ALCAM: variants seen among roughly 807,000 people sequenced by gnomAD.
The protein encoded by ALCAM is CD166 antigen.
ALCAM carries 30 observed loss-of-function variants against 70.9 expected under a neutral mutation model. The ratio of observed to expected loss-of-function variants is 0.42; its 90% CI spans 0.32 to 0.57. The LOEUF (loss-of-function observed/expected upper bound fraction) is 0.57, where lower values mean the gene tolerates loss of function less well. Among genes scored for constraint, ALCAM ranks in the 20% least tolerant of loss-of-function variants. The pLI is 0.11. For synonymous variants in ALCAM, 249 were observed against 242.5 expected (o/e 1.03, Z -0.25); for missense variants, 591 against 695.1 (o/e 0.85, Z 1.68).
intron 1 of ALCAM, among the ~76,000 whole-genome samples, chr3:105,455,180 G>A (rs897259027): frequency 3.3e-5 from 5 of 152,060 alleles, no homozygotes; most frequent in Non-Finnish European, 7.4e-5. Context: ...GGTGGCTCAA[G>A]TCTGTAATCC....
chr3:105,373,895 G>A (rs1478177453), intron 1 of ALCAM, among the ~76,000 whole-genome samples: 1 of 152,192 alleles, frequency 6.6e-6, no homozygotes, highest in African/African-American at 2.4e-5. Flanking sequence ...GAGTTTGGGA[G>A]TTGAGGATAT....
chr3:105,547,568 GT>G (rs143206743), intron 11 of ALCAM, 45 bp downstream of exon 11: 170,609 of 1,585,880 alleles, frequency 0.11, 10,259 homozygotes, highest in Non-Finnish European at 0.12. Flanking sequence ...CGTCCAATGC[GT>G]TTTTTTTCCT....
intron 1 of ALCAM, among the ~76,000 whole-genome samples, chr3:105,475,286 AAC>A (rs1938075825): frequency 1.3e-5 from 2 of 152,016 alleles, no homozygotes; most frequent in Non-Finnish European, 2.9e-5. Flanking sequence ...TGGTACAGAT[AAC>A]TCTATATAAT....
At chr3:105,391,343 A>G (rs1935812745) in intron 1 of ALCAM, among the ~76,000 whole-genome samples, 1 of 150,784 alleles carries the variant, frequency 6.6e-6, no homozygotes, top group Non-Finnish European at 1.5e-5. Context: ...TAGGTATTTT[A>G]CTCTCTTTGT....
At chr3:105,486,721 A>G (rs1238162390) in intron 1 of ALCAM, among the ~76,000 whole-genome samples, 1 of 152,136 alleles carries the variant, frequency 6.6e-6, no homozygotes, top group Non-Finnish European at 1.5e-5. Flanking sequence ...TAGGGGACAT[A>G]TAGGAAAGTC....
At chr3:105,443,110 G>A (rs1937214072) in intron 1 of ALCAM, among the ~76,000 whole-genome samples, 1 of 152,166 alleles carries the variant, frequency 6.6e-6, no homozygotes, top group South Asian at 2.1e-4. Flanking sequence ...ACAGCCATAA[G>A]CTACCTCGCC....
chr3:105,566,702 C>T (rs1940750229), intron 14 of ALCAM, among the ~76,000 whole-genome samples: 1 of 152,072 alleles, frequency 6.6e-6, no homozygotes, highest in African/African-American at 2.4e-5. Context: ...TCCCATTTAA[C>T]TTCCTCTATC....
intron 1 of ALCAM, among the ~76,000 whole-genome samples, chr3:105,461,612 G>T (rs968670985): frequency 2.6e-5 from 4 of 151,726 alleles, no homozygotes; most frequent in African/African-American, 7.3e-5. Flanking sequence ...CTTGAGGAAT[G>T]ATTGGCTATC....
intron 1 of ALCAM, among the ~76,000 whole-genome samples, chr3:105,385,231 C>T (rs781741342): frequency 4.0e-5 from 6 of 151,292 alleles, no homozygotes; most frequent in Admixed American, 1.3e-4. Flanking sequence ...TATTAACAAG[C>T]CTTATTTTAG....
At position 105,485,396 on chromosome 3, in the gene ALCAM, T is replaced by TGTGCGC. The variant is rs397990703; in HGVS notation, c.74-34670_74-34669insTGCGCG. On this transcript the variant is annotated intron_variant, in intron 1 of 15. Coordinates refer to ENST00000306107, the MANE Select transcript of ALCAM (RefSeq NM_001627.4). ...TACATTGTGTGTGTGTGTGTGTGTG[T>TGTGCGC]GCGCGCACATCCACATGTGTGTGAC... 3.2e-4 allele frequency among the ~76,000 whole-genome samples: 46 copies of TGTGCGC among 143,418 alleles called. 1 individual carries two copies. The highest frequency in any genetic ancestry group is 9.9e-4 in the African/African-American group (38 of 38,418). 94.1% of individuals were successfully genotyped at this position (143,418 alleles called of 152,430 possible).
chr3:105,564,071 C>T (rs560614262), intron 14 of ALCAM, among the ~76,000 whole-genome samples: 14 of 151,472 alleles, frequency 9.2e-5, no homozygotes, highest in African/African-American at 3.4e-4. Context: ...TATTTTTTGG[C>T]CTAGCATGCA....
At chr3:105,534,603 G>A (rs773584250) in intron 5 of ALCAM, 60 bp from the exon 6 acceptor site, 86 of 1,520,884 alleles carry the variant, frequency 5.7e-5, no homozygotes, top group East Asian at 9.0e-5. Flanking sequence ...GTGCTGTTTC[G>A]TTAAGGATTG....
intron 1 of ALCAM, among the ~76,000 whole-genome samples, chr3:105,511,116 G>A (rs1409002348): frequency 6.6e-6 from 1 of 151,976 alleles, no homozygotes. Context: ...ATGACTGTCA[G>A]GAAAAATGGA....
At chr3:105,564,856 G>T (rs535991037) in intron 14 of ALCAM, among the ~76,000 whole-genome samples, 1 of 152,168 alleles carries the variant, frequency 6.6e-6, no homozygotes, top group Non-Finnish European at 1.5e-5. Context: ...AATCAGCCTG[G>T]CCAACGTGGC....
intron 1 of ALCAM, among the ~76,000 whole-genome samples, chr3:105,432,503 A>G (rs537194575): frequency 6.6e-6 from 1 of 152,192 alleles, no homozygotes; most frequent in African/African-American, 2.4e-5. Flanking sequence ...AGCTCTAGGT[A>G]GATATTCCGA....
At position 105,575,807 on chromosome 3, in the gene ALCAM, A is replaced by G; in HGVS notation, c.*1356A>G. On this transcript the variant is annotated 3_prime_UTR_variant, in exon 16 of 16. Coordinates refer to ENST00000306107, the MANE Select transcript of ALCAM (RefSeq NM_001627.4). ...CAGGATTTACACAACTTTAAAGGGA[A>G]GATAAATGAACATCAGATTTCTAGG... The G allele has an allele frequency of 6.6e-6, 1 of 152,196 alleles. No individual in the cohort carries two copies. The highest frequency in any genetic ancestry group is 1.9e-4 in the East Asian group (1 of 5,194). The allele number at this position is 152,196 out of a possible 1,614,324, so 9.4% of individuals were successfully genotyped here.
intron 1 of ALCAM, among the ~76,000 whole-genome samples, chr3:105,414,176 A>G (rs527786772): frequency 3.0e-4 from 46 of 151,888 alleles, no homozygotes; most frequent in Admixed American, 1.4e-3. Flanking sequence ...AGGCTGGCGG[A>G]TATCCTGAGC....
At chr3:105,527,962 T>A (rs1490620074) in intron 3 of ALCAM, among the ~76,000 whole-genome samples, 1 of 152,174 alleles carries the variant, frequency 6.6e-6, no homozygotes, top group Non-Finnish European at 1.5e-5. Flanking sequence ...CAATGAGATC[T>A]ACACCAGATA....
intron 1 of ALCAM, among the ~76,000 whole-genome samples, chr3:105,449,869 A>G (rs1244299143): frequency 2.0e-5 from 3 of 152,168 alleles, no homozygotes; most frequent in Non-Finnish European, 4.4e-5. Flanking sequence ...ATACACTTCA[A>G]CAGCAATATA....
Sources: allele counts gnomAD v4.1 joint callset (sites outside exome capture counted in the v4.1 genomes callset), GRCh38; gene constraint gnomAD v4.1.1; transcripts MANE v1.5; gene names NCBI Gene and HGNC (gene_info 2026-07-23, HGNC 2026-07-21).